PCDH15: variants seen among roughly 807,000 people sequenced by gnomAD.
PCDH15 encodes protocadherin-15.
In PCDH15, 129 loss-of-function variants were observed where a neutral mutation model predicts 178.5. The ratio of observed to expected loss-of-function variants is 0.72; its 90% confidence interval spans 0.63 to 0.84. The LOEUF (loss-of-function observed/expected upper bound fraction) is 0.84. Among genes scored for constraint, PCDH15 ranks in the 40% least tolerant of loss-of-function variants. PCDH15 has a pLI of 0.00. For synonymous variants in PCDH15, 800 were observed against 732.0 expected (o/e 1.09, Z -1.50); for missense variants, 2,230 against 2,099.9 (o/e 1.06, Z -1.21).
intron 1 of PCDH15, among the ~76,000 whole-genome samples, chr10:55,238,442 GC>G (rs2132208439): frequency 6.6e-6 from 1 of 152,016 alleles, no homozygotes; most frequent in Non-Finnish European, 1.5e-5. Flanking sequence ...GAGCCACCGC[GC>G]CCGGCCGCAT....
At chr10:54,827,837 T>G (rs1435573303) in intron 3 of PCDH15, among the ~76,000 whole-genome samples, 2 of 152,094 alleles carry the variant, frequency 1.3e-5, no homozygotes, top group Non-Finnish European at 2.9e-5. Flanking sequence ...TATGAGTAAT[T>G]TGGAATGGGG....
chr10:54,638,538 T>G (rs1354923501), intron 2 of PCDH15, among the ~76,000 whole-genome samples: 2 of 152,084 alleles, frequency 1.3e-5, no homozygotes, highest in Non-Finnish European at 2.9e-5. Context: ...AAAAACAATT[T>G]TAAAAAGTAG....
At chr10:54,228,531 C>T (rs2053707488) in intron 9 of PCDH15, among the ~76,000 whole-genome samples, 1 of 152,182 alleles carries the variant, frequency 6.6e-6, no homozygotes, top group African/African-American at 2.4e-5. Context: ...AGAGCATCTA[C>T]TCTCTGCAAA....
At chr10:54,095,957 G>A (rs971872447) in intron 15 of PCDH15, among the ~76,000 whole-genome samples, 1 of 151,976 alleles carries the variant, frequency 6.6e-6, no homozygotes, top group African/African-American at 2.4e-5. Context: ...TCAAAATGAC[G>A]CATCCAAATA....
At chr10:54,447,132 T>C (rs1212424077) in intron 3 of PCDH15, among the ~76,000 whole-genome samples, 2 of 151,646 alleles carry the variant, frequency 1.3e-5, no homozygotes, top group African/African-American at 2.4e-5. Flanking sequence ...TATCTATCTC[T>C]AAGCGTTGGT....
intron 2 of PCDH15, among the ~76,000 whole-genome samples, chr10:55,602,253 G>C (rs74344873): frequency 1.3e-5 from 2 of 152,102 alleles, no homozygotes; most frequent in Admixed American, 6.6e-5. Context: ...ACGGAGTATC[G>C]CTGATTGCTA....
At chr10:53,816,091 T>C in intron 35 of PCDH15, 148 bp downstream of exon 35, 1 of 390,326 alleles carries the variant, frequency 2.6e-6, no homozygotes, top group Non-Finnish European at 4.5e-6. Flanking sequence ...GTTTCTTTTT[T>C]TTGAAGTTAT....
At chr10:55,145,974 T>C (rs992328411) in intron 2 of PCDH15, among the ~76,000 whole-genome samples, 3 of 151,902 alleles carry the variant, frequency 2.0e-5, no homozygotes, top group Non-Finnish European at 4.4e-5. Context: ...CTACAAACCA[T>C]ACAACCATAA....
At chr10:53,985,608 T>A (rs2091040207) in intron 21 of PCDH15, among the ~76,000 whole-genome samples, 1 of 152,080 alleles carries the variant, frequency 6.6e-6, no homozygotes, top group Non-Finnish European at 1.5e-5. Flanking sequence ...AACAGAATAC[T>A]TGGGTCCAGT....
At chr10:54,484,696 A>T (rs1295477634) in intron 3 of PCDH15, among the ~76,000 whole-genome samples, 1 of 151,946 alleles carries the variant, frequency 6.6e-6, no homozygotes, top group Non-Finnish European at 1.5e-5. Flanking sequence ...GATGAATTTA[A>T]AATCAATAAA....
At chr10:55,022,985 AGGCTGGAGTGCAGT>A (rs1840374954) in intron 2 of PCDH15, among the ~76,000 whole-genome samples, 1 of 151,952 alleles carries the variant, frequency 6.6e-6, no homozygotes, top group African/African-American at 2.4e-5. Flanking sequence ...TCTGTCGCCC[AGGCTGGAGTGCAGT>A]GGCTCCATCG....
At chr10:55,460,941 A>G (rs1839663022) in intron 2 of PCDH15, among the ~76,000 whole-genome samples, 1 of 152,106 alleles carries the variant, frequency 6.6e-6, no homozygotes, top group South Asian at 2.1e-4. Flanking sequence ...GTGCTCATCA[A>G]TAAGTCCCCA....
chr10:53,928,493 T>C (rs943480683), intron 25 of PCDH15, among the ~76,000 whole-genome samples: 1 of 152,080 alleles, frequency 6.6e-6, no homozygotes, highest in African/African-American at 2.4e-5. Flanking sequence ...TAATCAATAA[T>C]GAAGAATTAA....
At chr10:54,516,386 C>A (rs1388817770) in intron 3 of PCDH15, among the ~76,000 whole-genome samples, 5 of 151,950 alleles carry the variant, frequency 3.3e-5, no homozygotes, top group East Asian at 1.9e-4. Flanking sequence ...GAGCTGAAAG[C>A]CAAGGCTCGA....
chr10:54,767,123 C>T (rs1275451320), intron 1 of PCDH15, among the ~76,000 whole-genome samples: 1 of 152,074 alleles, frequency 6.6e-6, no homozygotes, highest in Non-Finnish European at 1.5e-5. Context: ...CTGCAGACAC[C>T]TTTTCAGGCT....
chr10:54,578,265 C>G (rs2090708546), intron 2 of PCDH15, among the ~76,000 whole-genome samples: 1 of 152,066 alleles, frequency 6.6e-6, no homozygotes, highest in African/African-American at 2.4e-5. Flanking sequence ...GCATACAAAT[C>G]AGTCTTTCTT....
chr10:54,438,518 G>A (rs1345514668), intron 3 of PCDH15, among the ~76,000 whole-genome samples: 2 of 151,968 alleles, frequency 1.3e-5, no homozygotes, highest in Admixed American at 1.3e-4. Context: ...CACCTAAAGT[G>A]GGAAGAATAA....
At chr10:54,298,013 C>G (rs190275484) in intron 8 of PCDH15, among the ~76,000 whole-genome samples, 15 of 152,254 alleles carry the variant, frequency 9.9e-5, no homozygotes, top group Non-Finnish European at 1.9e-4. Context: ...TGGATCCCCA[C>G]TGGGACTTCA....
chr10:54,099,208 C>T (rs1250449177), intron 15 of PCDH15, among the ~76,000 whole-genome samples: 2 of 152,030 alleles, frequency 1.3e-5, no homozygotes, highest in Non-Finnish European at 2.9e-5. Context: ...ACCTTAAAAA[C>T]AATAGACACA....
Sources: gnomAD v4.1 joint callset for allele counts (sites outside exome capture counted in the v4.1 genomes callset) on GRCh38, gnomAD v4.1.1 for gene constraint, MANE v1.5 for transcripts, NCBI Gene and HGNC (gene_info 2026-07-23, HGNC 2026-07-21) for gene names.